The following GSK3B variants were observed in gnomAD, a reference collection of about 807,000 sequenced individuals.
GSK3B encodes the protein glycogen synthase kinase 3 beta.
GSK3B carries 15 observed loss-of-function variants against 56.4 expected under a neutral mutation model. That is an observed-to-expected ratio of 0.27 (90% confidence interval 0.18 to 0.41). The LOEUF (loss-of-function observed/expected upper bound fraction) is 0.41. GSK3B is among the 10% of genes least tolerant of loss of function. GSK3B has a pLI of 1.00. For missense variants in GSK3B, 300 were observed against 513.4 expected (o/e 0.58, Z 4.02); for synonymous variants, 181 against 188.9 (o/e 0.96, Z 0.34).
At chr3:119,828,318 T>A (rs2055546728) in intron 10 of GSK3B, among the ~76,000 whole-genome samples, 1 of 152,234 alleles carries the variant, frequency 6.6e-6, no homozygotes, top group Admixed American at 6.5e-5. Flanking sequence ...TTTAGTAGAC[T>A]GCTGTTTTAG....
intron 2 of GSK3B, among the ~76,000 whole-genome samples, chr3:120,000,278 C>T (rs2057662971): frequency 1.3e-5 from 2 of 152,082 alleles, no homozygotes; most frequent in Admixed American, 1.3e-4. Flanking sequence ...GAGAGATTTC[C>T]ATTGAGTCTT....
At chr3:119,873,116 A>T (rs909740731) in intron 8 of GSK3B, among the ~76,000 whole-genome samples, 1 of 152,088 alleles carries the variant, frequency 6.6e-6, no homozygotes. Flanking sequence ...TAAAGCCACA[A>T]GTGCTTTATT....
In GSK3B at chr3:119,826,414, G is replaced by A; in HGVS notation, c.*374C>T. The A allele has an allele frequency of 4.6e-6, 2 of 432,866 alleles. No homozygotes were observed. The highest frequency in any genetic ancestry group is 2.3e-5 in the South Asian group (1 of 43,208). 26.8% of individuals were successfully genotyped at this position (432,866 alleles called of 1,614,324 possible). A position where few individuals can be genotyped will look rare whatever the true frequency, so the allele number is the denominator to read the frequency against. On this transcript the variant is annotated 3_prime_UTR_variant, in exon 11 of 11. Transcript: ENST00000264235. The stretch of plus-strand genomic sequence containing the variant: ...AAGTTCAAAAAAACCCATCAGCACA[G>A]AAAAAGGTTTTCTTCTTTTGTGGAA...
In GSK3B at chr3:119,982,728, G is replaced by A. The variant is rs553263040; in HGVS notation, c.282+19318C>T. Among the ~76,000 whole-genome samples the A allele has an allele frequency of 2.6e-5, 4 of 152,246 alleles. No homozygotes were observed. In the South Asian group the frequency reaches 6.2e-4, roughly 24 times the overall value. ...GACTATGTGAAAAGACCAAATCTACGTTTGATTGGTGTAGAAAGTGATGGG... is the reference window on the plus strand; with the variant it reads ...GACTATGTGAAAAGACCAAATCTACATTTGATTGGTGTAGAAAGTGATGGG... On this transcript the variant is annotated intron_variant, in intron 2 of 10. Coordinates refer to ENST00000264235, the MANE Select transcript of GSK3B (RefSeq NM_001146156.2).
rs546863916 is a variant in GSK3B at position 119,982,626 on chromosome 3, T to A, written c.282+19420A>T. ...AAGAAAGGGTATCAGTCACTGAAGATCATATTAATGAAATAAAGCGAGAAG... is the reference window on the plus strand; with the variant it reads ...AAGAAAGGGTATCAGTCACTGAAGAACATATTAATGAAATAAAGCGAGAAG... On this transcript the variant is annotated intron_variant, in intron 2 of 10. Transcript: ENST00000264235. Among the ~76,000 whole-genome samples the A allele has an allele frequency of 1.1e-4, 16 of 152,130 alleles. No individual in the cohort carries two copies. In the South Asian group the frequency reaches 3.3e-3, roughly 32 times the overall value.
chr3:119,928,135 G>C (rs1263205898), intron 3 of GSK3B, among the ~76,000 whole-genome samples: 2 of 152,190 alleles, frequency 1.3e-5, no homozygotes, highest in Non-Finnish European at 2.9e-5. Context: ...AGTTAATTCA[G>C]TTTATTCTCA....
chr3:119,960,151 C>CAAAAAAAAAAAAAAAAAAAAA (rs574956694), intron 2 of GSK3B, among the ~76,000 whole-genome samples: 1 of 74,640 alleles, frequency 1.3e-5, no homozygotes, highest in Non-Finnish European at 2.5e-5. Context: ...TATGCTGAGA[C>CAAAAAAAAAAAAAAAAAAAAA]AAAAAAAAAA....
chr3:120,062,857 G>A (rs2058249286), intron 1 of GSK3B, among the ~76,000 whole-genome samples: 1 of 152,088 alleles, frequency 6.6e-6, no homozygotes, highest in South Asian at 2.1e-4. Context: ...ATAAGTTTGA[G>A]CCTACAGAGA....
At chr3:120,079,939 T>C (rs766957654) in intron 1 of GSK3B, among the ~76,000 whole-genome samples, 11 of 152,148 alleles carry the variant, frequency 7.2e-5, no homozygotes, top group Non-Finnish European at 1.0e-4. Flanking sequence ...CATGCTGATA[T>C]GTGGAAAGCA....
intron 3 of GSK3B, among the ~76,000 whole-genome samples, chr3:119,938,505 C>T (rs1276617245): frequency 6.6e-6 from 1 of 151,654 alleles, no homozygotes; most frequent in Non-Finnish European, 1.5e-5. Context: ...TGTAATATAT[C>T]ATGTTAATAA....
intron 1 of GSK3B, among the ~76,000 whole-genome samples, chr3:120,005,276 G>A (rs2057717105): frequency 6.6e-6 from 1 of 152,182 alleles, no homozygotes; most frequent in Non-Finnish European, 1.5e-5. Flanking sequence ...ACGGCATTAT[G>A]TGAAAAGACC....
intron 1 of GSK3B, among the ~76,000 whole-genome samples, chr3:120,032,424 G>A (rs1413514761): frequency 6.6e-6 from 1 of 151,854 alleles, no homozygotes; most frequent in Non-Finnish European, 1.5e-5. Context: ...GCAGTGAGCC[G>A]AGATTGTGCC....
At chr3:119,935,074 T>C (rs757971764) in intron 3 of GSK3B, among the ~76,000 whole-genome samples, 1 of 152,162 alleles carries the variant, frequency 6.6e-6, no homozygotes, top group Non-Finnish European at 1.5e-5. Flanking sequence ...GTAACATTTA[T>C]ACTTTATGAG....
intron 7 of GSK3B, among the ~76,000 whole-genome samples, chr3:119,888,936 G>A (rs1423100055): frequency 6.6e-6 from 1 of 151,954 alleles, no homozygotes; most frequent in East Asian, 1.9e-4. Context: ...ATCCCGCCCT[G>A]GTAAATTTGA....
chr3:120,091,036 T>C (rs773852606), intron 1 of GSK3B, among the ~76,000 whole-genome samples: 1 of 152,146 alleles, frequency 6.6e-6, no homozygotes, highest in Non-Finnish European at 1.5e-5. Flanking sequence ...TCAGTCCTAA[T>C]ACACCTTGTC....
chr3:119,854,553 C>CT (rs1176162402), intron 9 of GSK3B, among the ~76,000 whole-genome samples: 2 of 152,056 alleles, frequency 1.3e-5, no homozygotes, highest in Non-Finnish European at 2.9e-5. Context: ...TGGTCCTGGA[C>CT]TTTTTTTGGT....
chr3:120,085,740 C>T (rs1270650304), intron 1 of GSK3B, among the ~76,000 whole-genome samples: 6 of 151,622 alleles, frequency 4.0e-5, no homozygotes, highest in Admixed American at 6.6e-5. Context: ...CTCGAGGTGG[C>T]GGTTGCAGTG....
At chr3:119,906,889 G>A (rs577500657) in intron 6 of GSK3B, among the ~76,000 whole-genome samples, 1 of 152,038 alleles carries the variant, frequency 6.6e-6, no homozygotes, top group African/African-American at 2.4e-5. Context: ...ACTGGAAATC[G>A]TTGCTCCAGT....
chr3:120,041,807 G>A (rs1234372091), intron 1 of GSK3B, among the ~76,000 whole-genome samples: 1 of 152,148 alleles, frequency 6.6e-6, no homozygotes, highest in Non-Finnish European at 1.5e-5. Context: ...GACACAATGG[G>A]TATTCAGTAA....
Sources: gnomAD v4.1 joint callset for allele counts (sites outside exome capture counted in the v4.1 genomes callset) on GRCh38, gnomAD v4.1.1 for gene constraint, MANE v1.5 for transcripts, NCBI Gene and HGNC (gene_info 2026-07-23, HGNC 2026-07-21) for gene names.